RAB38: variants seen among roughly 807,000 people sequenced by gnomAD.
The protein encoded by RAB38 is RAB38, member RAS oncogene family, also known as ras-related protein Rab-38.
A neutral mutation model predicts 18.4 loss-of-function variants in RAB38; 15 were observed. The ratio of observed to expected loss-of-function variants is 0.82; its 90% CI spans 0.55 to 1.26. The LOEUF (loss-of-function observed/expected upper bound fraction) is 1.26, where lower values mean the gene tolerates loss of function less well. Among genes scored for constraint, RAB38 ranks in the 50% most tolerant of loss-of-function variants. The pLI is 0.00. For missense variants in RAB38, 294 were observed against 267.4 expected, an observed-to-expected ratio of 1.10 and a Z score of -0.69; for synonymous variants, 101 against 104.4, an observed-to-expected ratio of 0.97 and a Z score of 0.20.
At chr11:87,854,045 T>C in the RAB38 span, among the ~76,000 whole-genome samples, 1 of 152,208 alleles carries the variant, frequency 6.6e-6, no homozygotes, top group African/African-American at 2.4e-5. Flanking sequence ...TAAAGGTTTA[T>C]TTGTTAGATT....
intron 1 of RAB38, chr11:88,166,011 G>A (rs1943239398): frequency 6.6e-6 from 1 of 152,074 alleles, no homozygotes; most frequent in Non-Finnish European, 1.5e-5. Flanking sequence ...AGTCTCTGTA[G>A]AGGAGCTGCC....
the RAB38 span, among the ~76,000 whole-genome samples, chr11:88,078,495 G>GTA: frequency 1.9e-4 from 29 of 150,794 alleles, no homozygotes; most frequent in African/African-American, 4.4e-4. Context: ...ATATATGTGT[G>GTA]TATATATGTG....
chr11:88,033,952 C>A, the RAB38 span, among the ~76,000 whole-genome samples: 1 of 152,094 alleles, frequency 6.6e-6, no homozygotes, highest in Non-Finnish European at 1.5e-5. Context: ...TGGTCTCGAT[C>A]TCCTGACCTC....
At chr11:87,857,938 C>T in the RAB38 span, among the ~76,000 whole-genome samples, 70 of 152,212 alleles carry the variant, frequency 4.6e-4, no homozygotes, top group African/African-American at 1.6e-3. Context: ...AGTCCTTGTC[C>T]ATGCCTATGT....
At chr11:87,825,773 T>C in the RAB38 span, among the ~76,000 whole-genome samples, 6 of 152,012 alleles carry the variant, frequency 3.9e-5, no homozygotes, top group African/African-American at 7.2e-5. Context: ...AGATTATTGA[T>C]TGTATATGCT....
At chr11:88,059,108 T>G in the RAB38 span, among the ~76,000 whole-genome samples, 1 of 152,212 alleles carries the variant, frequency 6.6e-6, no homozygotes, top group African/African-American at 2.4e-5. Flanking sequence ...TCTCTAAGCC[T>G]CAGCGTTCTT....
chr11:87,897,892 C>G, the RAB38 span, among the ~76,000 whole-genome samples: 3 of 151,544 alleles, frequency 2.0e-5, no homozygotes, highest in African/African-American at 7.3e-5. Flanking sequence ...GGAGAAGGAG[C>G]AGATGGGCTT....
At chr11:88,097,279 A>T in the RAB38 span, among the ~76,000 whole-genome samples, 1 of 151,918 alleles carries the variant, frequency 6.6e-6, no homozygotes, top group African/African-American at 2.4e-5. Flanking sequence ...AAATTCAATC[A>T]GACAACCAGC....
downstream of RAB38, among the ~76,000 whole-genome samples, chr11:88,108,857 CCTT>C (rs1241984699): frequency 6.6e-6 from 1 of 152,054 alleles, no homozygotes; most frequent in African/African-American, 2.4e-5. Context: ...TCAGCATTTG[CCTT>C]GTCTCTAAAG....
At chr11:87,960,394 AAG>A in the RAB38 span, among the ~76,000 whole-genome samples, 6 of 151,750 alleles carry the variant, frequency 4.0e-5, no homozygotes, top group African/African-American at 1.5e-4. Context: ...AAAAGAAAAA[AAG>A]AGAGAAATAA....
the RAB38 span, among the ~76,000 whole-genome samples, chr11:87,952,288 T>G: frequency 6.6e-6 from 1 of 152,340 alleles, no homozygotes; most frequent in South Asian, 2.1e-4. Context: ...GGAACTCATT[T>G]AAAGGTGGGC....
the RAB38 span, among the ~76,000 whole-genome samples, chr11:87,941,535 G>A: frequency 6.6e-6 from 1 of 151,830 alleles, no homozygotes; most frequent in African/African-American, 2.4e-5. Context: ...CTTCCTCATT[G>A]CACCAGAATG....
At chr11:88,144,658 C>T (rs1014003849) in intron 2 of RAB38, among the ~76,000 whole-genome samples, 9 of 152,132 alleles carry the variant, frequency 5.9e-5, no homozygotes, top group Non-Finnish European at 1.0e-4. Flanking sequence ...TATAATTTAA[C>T]GTAAGAAAGC....
chr11:87,957,965 C>T, the RAB38 span, among the ~76,000 whole-genome samples: 2 of 152,122 alleles, frequency 1.3e-5, no homozygotes, highest in Admixed American at 6.6e-5. Flanking sequence ...TATCACTTTC[C>T]AAATAAAGCA....
chr11:87,917,346 G>T, the RAB38 span, among the ~76,000 whole-genome samples: 1 of 151,976 alleles, frequency 6.6e-6, no homozygotes, highest in Non-Finnish European at 1.5e-5. Context: ...CTGAAAAACT[G>T]GGAGGAGGTG....
chr11:88,008,525 G>C, the RAB38 span, among the ~76,000 whole-genome samples: 3 of 152,126 alleles, frequency 2.0e-5, no homozygotes, highest in African/African-American at 7.2e-5. Context: ...CAATCTGTAT[G>C]AAGAAGCCTC....
At chr11:88,054,213 G>GT in the RAB38 span, among the ~76,000 whole-genome samples, 1 of 152,132 alleles carries the variant, frequency 6.6e-6, no homozygotes, top group African/African-American at 2.4e-5. Context: ...TGCATGTAGA[G>GT]TAACAGTCCC....
the RAB38 span, among the ~76,000 whole-genome samples, chr11:87,966,600 G>C: frequency 6.6e-6 from 1 of 152,126 alleles, no homozygotes; most frequent in Non-Finnish European, 1.5e-5. Context: ...AATCAATAAT[G>C]CTAAAATTAA....
chr11:87,910,984 T>G, the RAB38 span, among the ~76,000 whole-genome samples: 1 of 152,060 alleles, frequency 6.6e-6, no homozygotes, highest in Non-Finnish European at 1.5e-5. Context: ...TATTTTGTTT[T>G]TTTATTTTTT....
Sources: allele counts gnomAD v4.1 joint callset (sites outside exome capture counted in the v4.1 genomes callset), GRCh38; gene constraint gnomAD v4.1.1; transcripts MANE v1.5; gene names NCBI Gene and HGNC (gene_info 2026-07-23, HGNC 2026-07-21).